The following ELF2 variants were observed in gnomAD, a reference collection of about 807,000 sequenced individuals.
ELF2 encodes the protein ETS-related transcription factor Elf-2.
ELF2 carries 11 observed loss-of-function variants against 54.8 expected under a neutral mutation model. That is an observed-to-expected ratio of 0.20 (90% confidence interval 0.13 to 0.33). ELF2 has a LOEUF of 0.33. Ranked by LOEUF, ELF2 falls within the 10% of genes least tolerant of loss-of-function variation. The pLI, the probability that ELF2 is intolerant of heterozygous loss-of-function variation, is 1.00. For synonymous variants in ELF2, 203 were observed against 245.1 expected (o/e 0.83, Z 1.61); for missense variants, 513 against 703.0 (o/e 0.73, Z 3.06).
At chr4:139,128,103 C>G (rs974848711) in intron 3 of ELF2, among the ~76,000 whole-genome samples, 5 of 151,836 alleles carry the variant, frequency 3.3e-5, no homozygotes, top group Admixed American at 3.3e-4. Context: ...GACCCTATCT[C>G]TAGAAAAAAT....
At chr4:139,134,554 T>TTGTATTGTA (rs1560850907) in intron 3 of ELF2, among the ~76,000 whole-genome samples, 35 of 146,636 alleles carry the variant, frequency 2.4e-4, no homozygotes, top group African/African-American at 9.1e-4. Flanking sequence ...ATTGTATTGT[T>TTGTATTGTA]TTATTTTATG....
chr4:139,137,911 G>GA (rs1296221854), intron 2 of ELF2, 44 bp from the exon 3 acceptor site: 1 of 1,242,758 alleles, frequency 8.0e-7, no homozygotes, highest in Non-Finnish European at 1.0e-6. Flanking sequence ...AAAATTACAG[G>GA]AAGGACATAA....
intron 4 of ELF2, among the ~76,000 whole-genome samples, chr4:139,080,237 G>T (rs998012522): frequency 6.6e-6 from 1 of 152,110 alleles, no homozygotes; most frequent in African/African-American, 2.4e-5. Context: ...ATGAATTTTA[G>T]TACCAATGCT....
At chr4:139,163,201 A>C (rs994069459) in intron 1 of ELF2, among the ~76,000 whole-genome samples, 1 of 152,236 alleles carries the variant, frequency 6.6e-6, no homozygotes, top group African/African-American at 2.4e-5. Flanking sequence ...ATTCTAACTA[A>C]TGTATATAAT....
At chr4:139,065,395 T>C (rs1326701167) in intron 7 of ELF2, among the ~76,000 whole-genome samples, 2 of 152,136 alleles carry the variant, frequency 1.3e-5, no homozygotes, top group Non-Finnish European at 2.9e-5. Context: ...AAGAATACTT[T>C]AGCCTGGGAG....
At chr4:139,170,141 C>T (rs1017586334) in intron 1 of ELF2, among the ~76,000 whole-genome samples, 1 of 151,566 alleles carries the variant, frequency 6.6e-6, no homozygotes, top group African/African-American at 2.4e-5. Flanking sequence ...ATCTCAAGAT[C>T]TTGGATTAGG....
At chr4:139,159,042 C>A (rs968872339) in intron 1 of ELF2, among the ~76,000 whole-genome samples, 2 of 152,094 alleles carry the variant, frequency 1.3e-5, no homozygotes, top group African/African-American at 4.8e-5. Context: ...GAAGGCCAAA[C>A]CGAGGAATTA....
At chr4:139,158,471 T>C (rs1740772750) in intron 1 of ELF2, among the ~76,000 whole-genome samples, 1 of 152,016 alleles carries the variant, frequency 6.6e-6, no homozygotes, top group Non-Finnish European at 1.5e-5. Context: ...GGAGAGATAG[T>C]GGGCAATGTT....
At chr4:139,106,511 T>C (rs1734423973) in intron 4 of ELF2, among the ~76,000 whole-genome samples, 1 of 152,132 alleles carries the variant, frequency 6.6e-6, no homozygotes, top group African/African-American at 2.4e-5. Flanking sequence ...GTTGTTTTAG[T>C]AGTATCTGTG....
intron 1 of ELF2, among the ~76,000 whole-genome samples, chr4:139,156,248 T>C (rs1168590255): frequency 6.6e-6 from 1 of 152,132 alleles, no homozygotes; most frequent in African/African-American, 2.4e-5. Context: ...CGATCTCAGC[T>C]CACCGCAAGC....
chr4:139,149,738 T>C (rs564985412), intron 1 of ELF2, among the ~76,000 whole-genome samples: 1 of 152,178 alleles, frequency 6.6e-6, no homozygotes, highest in African/African-American at 2.4e-5. Flanking sequence ...ATCATAAAAT[T>C]CCTTGAAAAA....
At chr4:139,074,840 A>C (rs1487603528) in intron 4 of ELF2, among the ~76,000 whole-genome samples, 1 of 152,136 alleles carries the variant, frequency 6.6e-6, no homozygotes, top group East Asian at 1.9e-4. Context: ...TACAGTGTAA[A>C]TACTACAGCA....
At chr4:139,112,832 T>C (rs1381188420) in intron 4 of ELF2, among the ~76,000 whole-genome samples, 1 of 152,128 alleles carries the variant, frequency 6.6e-6, no homozygotes, top group Non-Finnish European at 1.5e-5. Flanking sequence ...GAGGCGGAAG[T>C]TTCAGGGAGC....
At chr4:139,089,627 C>T (rs529697752) in intron 4 of ELF2, among the ~76,000 whole-genome samples, 89 of 152,230 alleles carry the variant, frequency 5.8e-4, no homozygotes, top group African/African-American at 2.0e-3. Flanking sequence ...ACTATATATG[C>T]CATTCTAAAA....
intron 4 of ELF2, among the ~76,000 whole-genome samples, chr4:139,117,110 T>C (rs945647617): frequency 3.9e-5 from 6 of 152,212 alleles, no homozygotes; most frequent in African/African-American, 1.2e-4. Flanking sequence ...TAAGACTAAA[T>C]GTTAATGTCT....
Position 139,115,349 on chromosome 4 carries a change from C to T in ELF2, c.238+9815G>A, listed in dbSNP as rs1463902609. On this transcript the variant is annotated intron_variant, in intron 4 of 9. Transcript: ENST00000686138. Reference sequence around the variant, plus strand: ...GGGGGCCGGGGTCGCCAACGCCGCGCCCCCCGCGGTGCCGCTGTCCGCCAT... The same window carrying T: ...GGGGGCCGGGGTCGCCAACGCCGCGTCCCCCGCGGTGCCGCTGTCCGCCAT... 1.0e-5 allele frequency: 13 copies of T among 1,266,898 alleles called. No homozygotes were observed. In the African/African-American group the frequency reaches 2.1e-4, roughly 20 times the overall value. The allele number at this position is 1,266,898 out of a possible 1,614,324, so 78.5% of individuals were successfully genotyped here.
intron 4 of ELF2, among the ~76,000 whole-genome samples, chr4:139,122,831 G>T (rs571445430): frequency 1.3e-4 from 20 of 151,780 alleles, no homozygotes; most frequent in Admixed American, 4.6e-4. Context: ...ATTAAGCTCA[G>T]ATTAGCTGAC....
At chr4:139,111,027 T>C (rs1412166546) in intron 4 of ELF2, among the ~76,000 whole-genome samples, 1 of 152,212 alleles carries the variant, frequency 6.6e-6, no homozygotes, top group Non-Finnish European at 1.5e-5. Flanking sequence ...TTTTCAGTTT[T>C]TTAGAATATT....
intron 3 of ELF2, among the ~76,000 whole-genome samples, chr4:139,134,220 C>T (rs964702429): frequency 1.2e-4 from 19 of 152,010 alleles, no homozygotes; most frequent in African/African-American, 4.3e-4. Context: ...ATATAATCAC[C>T]TAATTTTTCT....
Sources: allele counts gnomAD v4.1 joint callset (sites outside exome capture counted in the v4.1 genomes callset), GRCh38; gene constraint gnomAD v4.1.1; transcripts MANE v1.5; gene names NCBI Gene and HGNC (gene_info 2026-07-23, HGNC 2026-07-21).